The following HTT variants were observed in gnomAD, a reference collection of about 807,000 sequenced individuals.
The protein encoded by HTT is huntingtin.
Under a neutral mutation model 362.3 loss-of-function variants are expected in HTT, and 104 were observed. The observed-to-expected ratio is 0.29, with a 90% CI of 0.24 to 0.34. HTT has a LOEUF of 0.34. HTT is among the 10% of genes least tolerant of loss of function. The pLI is 1.00. For missense variants in HTT, 3,301 were observed against 3,928.6 expected, an observed-to-expected ratio of 0.84 and a Z score of 4.27; for synonymous variants, 1,577 against 1,548.7, an observed-to-expected ratio of 1.02 and a Z score of -0.43.
chr4:3,116,818 T>C (rs558422751), intron 8 of HTT, among the ~76,000 whole-genome samples: 1 of 152,236 alleles, frequency 6.6e-6, no homozygotes, highest in Non-Finnish European at 1.5e-5. Context: ...TGACTTCAGT[T>C]CTTTGTAGCA....
Position 3,238,603 on chromosome 4 carries a change from G to A in HTT, c.9048G>A (p.Val3016=), listed in dbSNP as rs1307699709. 1 of 1,604,638 alleles carries A rather than the reference G, an allele frequency of 6.2e-7. No individual in the cohort carries two copies. The highest frequency in any genetic ancestry group is 8.5e-7 in the Non-Finnish European group (1 of 1,175,636). ...QPYPQFMATV[V]YKVFQTLHST... is the part of the protein sequence containing the mutation. ...ACCCCCAGTTCATGGCCACCGTGGT[G>A]TATAAGGTGAGGTTGCATGTGGGAT... The change falls in exon 65 of 67, where the codon GTG becomes GTA. Residue 3016 remains valine, a synonymous_variant. Transcript: ENST00000355072.
intron 1 of HTT, among the ~76,000 whole-genome samples, chr4:3,083,531 ACACAC>A (rs1560539530): frequency 2.0e-4 from 2 of 10,166 alleles, no homozygotes; most frequent in Non-Finnish European, 3.5e-4. Context: ...CTCTAAATAT[ACACAC>A]ACACACACAC....
rs994698067 is a variant in HTT, at chr4:3,189,004, T to A, written c.5279T>A (p.Leu1760Gln). ...TTAGAAGACATTGTTACAAAACAGC[T>A]GAAGGTGGAAATGAGTGAGCAGCAA... is the stretch of plus-strand genomic sequence containing the variant. ...ILLEDIVTKQ[L>Q]KVEMSEQQHT... The change falls in exon 40 of 67, where the codon CTG becomes CAG. Residue 1760 changes from leucine (L) to glutamine (Q), a missense_variant. Physicochemically the swap from Leu to Gln is moderately radical, Grantham distance 113. Transcript: ENST00000355072. The A allele has an allele frequency of 6.2e-7, 1 of 1,614,162 alleles. No individual in the cohort carries two copies. Among genetic ancestry groups the A allele is most frequent in the Non-Finnish European group, 8.5e-7 (1 of 1,179,980 alleles).
At chr4:3,192,729 G>C (rs1020977666) in intron 40 of HTT, among the ~76,000 whole-genome samples, 7 of 152,246 alleles carry the variant, frequency 4.6e-5, no homozygotes, top group Non-Finnish European at 1.0e-4. Context: ...GCCTTAAAAA[G>C]GGATGGGAGC....
rs533901724 is a variant in HTT at position 3,225,618 on chromosome 4, G to A, written c.7766-43G>A. The A allele has an allele frequency of 3.8e-6, 6 of 1,570,082 alleles. No individual in the cohort carries two copies. In the African/African-American group the frequency reaches 5.4e-5, roughly 14 times the overall value. On this transcript the variant is annotated intron_variant, in intron 56 of 66. Coordinates refer to ENST00000355072, the MANE Select transcript of HTT (RefSeq NM_001388492.1). ...TGGTATGGGGTGGGCCTGCGGCCCT[G>A]CCCCCCTGTGCAGATCAAGACTCAG...
At chr4:3,227,081 A>G (rs1276103994) in intron 57 of HTT, among the ~76,000 whole-genome samples, 1 of 152,180 alleles carries the variant, frequency 6.6e-6, no homozygotes, top group East Asian at 1.9e-4. Flanking sequence ...GCCCAGGGAC[A>G]CTGGTCTGTG....
At chr4:3,159,680 A>C (rs559816510) in intron 28 of HTT, among the ~76,000 whole-genome samples, 23 of 152,280 alleles carry the variant, frequency 1.5e-4, no homozygotes, top group Non-Finnish European at 2.8e-4. Context: ...TTCTTTTCTG[A>C]GGCAGTGTTT....
In HTT at chr4:3,147,530, A is replaced by G. The variant is rs80044337; in HGVS notation, c.3296-475A>G. Among the ~76,000 whole-genome samples, 186 of 152,312 alleles carry G rather than the reference A, an allele frequency of 1.2e-3. 5 individuals carry two copies. In the East Asian group the frequency reaches 0.03, roughly 25 times the overall value. ...AATTGGGGCCTGTGCTATTTGCTTC[A>G]GGGGGCTATAGGAGAGTTTCGTGAA... On this transcript the variant is annotated intron_variant, in intron 25 of 66. Coordinates refer to ENST00000355072, the MANE Select transcript of HTT (RefSeq NM_001388492.1).
At chr4:3,109,618 G>A (rs1714630699) in intron 6 of HTT, among the ~76,000 whole-genome samples, 1 of 151,954 alleles carries the variant, frequency 6.6e-6, no homozygotes, top group Non-Finnish European at 1.5e-5. Context: ...TCAGAATTCA[G>A]TGTGTACGTT....
intron 53 of HTT, 38 bp downstream of exon 53, chr4:3,220,346 G>A (rs1013350168): frequency 3.8e-6 from 6 of 1,595,810 alleles, no homozygotes; most frequent in Non-Finnish European, 5.1e-6. Flanking sequence ...ACCATTGTCG[G>A]ACATCTACCG....
chr4:3,231,734 C>T (rs1035029525), intron 60 of HTT, among the ~76,000 whole-genome samples: 1 of 152,130 alleles, frequency 6.6e-6, no homozygotes, highest in Non-Finnish European at 1.5e-5. Flanking sequence ...GTTGCCCACA[C>T]GATGTCAAAG....
chr4:3,237,865 GA>G (rs1721613270), intron 64 of HTT, among the ~76,000 whole-genome samples: 1 of 152,200 alleles, frequency 6.6e-6, no homozygotes, highest in Non-Finnish European at 1.5e-5. Flanking sequence ...GAAGCAGCGA[GA>G]GCACAGATGG....
At chr4:3,100,261 A>G (rs939599577) in intron 3 of HTT, among the ~76,000 whole-genome samples, 2 of 152,200 alleles carry the variant, frequency 1.3e-5, no homozygotes, top group South Asian at 2.1e-4. Flanking sequence ...TGTGAGGACT[A>G]ATTGCCACTA....
intron 23 of HTT, among the ~76,000 whole-genome samples, chr4:3,143,762 C>G (rs1716466255): frequency 6.6e-6 from 1 of 151,830 alleles, no homozygotes; most frequent in African/African-American, 2.4e-5. Flanking sequence ...CACCACCATG[C>G]CCGGCTAATT....
chr4:3,145,441 A>T (rs363105), intron 24 of HTT, among the ~76,000 whole-genome samples: 10,889 of 152,254 alleles, frequency 0.072, 553 homozygotes, highest in African/African-American at 0.15. Flanking sequence ...TTAGGCATTG[A>T]TGGGAATTTC....
intron 21 of HTT, among the ~76,000 whole-genome samples, chr4:3,137,528 G>T (rs533605089): frequency 4.6e-5 from 7 of 152,160 alleles, no homozygotes; most frequent in African/African-American, 1.7e-4. Flanking sequence ...GTGAAACCTT[G>T]TCTCTACTAA....
At chr4:3,083,507 G>A (rs1353188695) in intron 1 of HTT, among the ~76,000 whole-genome samples, 1 of 149,776 alleles carries the variant, frequency 6.7e-6, no homozygotes, top group Non-Finnish European at 1.5e-5. Flanking sequence ...CTGGGCAAGA[G>A]AGTGAGACCC....
At chr4:3,230,985 T>C (rs1721220446) in intron 60 of HTT, among the ~76,000 whole-genome samples, 1 of 152,260 alleles carries the variant, frequency 6.6e-6, no homozygotes, top group African/African-American at 2.4e-5. Context: ...CAGTGCAGCA[T>C]GGTACCTGTA....
intron 13 of HTT, 48 bp downstream of exon 13, chr4:3,130,095 C>A: frequency 3.3e-6 from 5 of 1,516,710 alleles, no homozygotes; most frequent in Non-Finnish European, 3.5e-6. Flanking sequence ...GTATTCAGAC[C>A]TGGACATCTT....
Sources: allele counts gnomAD v4.1 joint callset (sites outside exome capture counted in the v4.1 genomes callset), GRCh38; gene constraint gnomAD v4.1.1; transcripts MANE v1.5; gene names NCBI Gene and HGNC (gene_info 2026-07-23, HGNC 2026-07-21).